The following IRAK1BP1 variants were observed in gnomAD, a reference collection of about 807,000 sequenced individuals.
IRAK1BP1 encodes the protein interleukin-1 receptor-associated kinase 1-binding protein 1.
Under a neutral mutation model 28.0 loss-of-function variants are expected in IRAK1BP1, and 24 were observed. The ratio of observed to expected loss-of-function variants is 0.86; its 90% CI spans 0.62 to 1.20. The LOEUF (loss-of-function observed/expected upper bound fraction) is 1.20, where lower values mean the gene tolerates loss of function less well. Among genes scored for constraint, IRAK1BP1 ranks in the 50% most tolerant of loss-of-function variants. The pLI, the probability that IRAK1BP1 is intolerant of heterozygous loss-of-function variation, is 0.00. For missense variants in IRAK1BP1, 336 were observed against 316.7 expected, an observed-to-expected ratio of 1.06 and a Z score of -0.46; for synonymous variants, 131 against 116.3, an observed-to-expected ratio of 1.13 and a Z score of -0.81.
At chr6:78,938,028 A>AG (rs1773338758) in intron 4 of IRAK1BP1, 2 of 151,776 alleles carry the variant, frequency 1.3e-5, no homozygotes, top group Non-Finnish European at 3.0e-5. Flanking sequence ...GTACATACAT[A>AG]GTGTTACTGC....
At chr6:78,970,672 A>G in the IRAK1BP1 span, 7 of 679,380 alleles carry the variant, frequency 1.0e-5, no homozygotes, top group East Asian at 1.9e-4. Context: ...TAAACAAGGT[A>G]TCTTCATGAT....
At chr6:78,903,660 A>T (rs552373084), downstream of IRAK1BP1, among the ~76,000 whole-genome samples, 6 of 141,810 alleles carry the variant, frequency 4.2e-5, no homozygotes, top group Admixed American at 1.4e-4. Context: ...TCCCTGAATT[A>T]AAAAAAAAAA....
the IRAK1BP1 span, among the ~76,000 whole-genome samples, chr6:78,973,160 T>C: frequency 3.9e-5 from 6 of 152,194 alleles, no homozygotes; most frequent in South Asian, 6.2e-4. Flanking sequence ...GGAAGCCCAT[T>C]AGACTAACAG....
chr6:78,917,230 A>G (rs1772583783), intron 4 of IRAK1BP1, among the ~76,000 whole-genome samples: 1 of 152,116 alleles, frequency 6.6e-6, no homozygotes, highest in African/African-American at 2.4e-5. Flanking sequence ...AAATAAGTCA[A>G]CCAGAGCTTC....
chr6:78,891,473 T>G lies in IRAK1BP1; in HGVS notation c.381+6030T>G, dbSNP rs115631628. On this transcript the variant is annotated intron_variant, in intron 2 of 3. Transcript: ENST00000369940. ...TTAGTGTTTAGAGGAATTTTTTTTT[T>G]TTTTTGAGACGAAGTCTCACTCTTG... Among the ~76,000 whole-genome samples the G allele has an allele frequency of 1.7e-3, 265 of 152,000 alleles. 1 individual carries two copies. Among genetic ancestry groups the G allele is most frequent in the African/African-American group, 6.1e-3 (251 of 41,448 alleles).
the IRAK1BP1 span, among the ~76,000 whole-genome samples, chr6:78,968,858 T>C: frequency 6.6e-6 from 1 of 151,236 alleles, no homozygotes; most frequent in African/African-American, 2.5e-5. Flanking sequence ...AAAGACAAAC[T>C]TGTTAGATAA....
chr6:78,940,558 T>G (rs1773444810), intron 4 of IRAK1BP1: 1 of 179,846 alleles, frequency 5.6e-6, no homozygotes, highest in Non-Finnish European at 1.1e-5. Flanking sequence ...GTTTTTTTTT[T>G]TTTTTTTTTT....
chr6:78,906,714 GT>G (rs985165211), downstream of IRAK1BP1, among the ~76,000 whole-genome samples: 9 of 151,846 alleles, frequency 5.9e-5, no homozygotes, highest in South Asian at 2.1e-4. Context: ...TTGGATTAGG[GT>G]TTTTTTTCCC....
At chr6:78,957,580 A>T in the IRAK1BP1 span, 10 of 135,100 alleles carry the variant, frequency 7.4e-5, no homozygotes, top group East Asian at 2.2e-4. Flanking sequence ...GATGTTTATT[A>T]AAAAAAAAAA....
rs1772064161 is a variant in IRAK1BP1, at chr6:78,900,662, C to G, written c.*2328C>G. 6.6e-6 allele frequency: 1 copy of G among 152,140 alleles called. No homozygotes were observed. Among genetic ancestry groups the G allele is most frequent in the Non-Finnish European group, 1.5e-5 (1 of 68,024 alleles). 9.4% of individuals were successfully genotyped at this position (152,140 alleles called of 1,614,324 possible). A position where few individuals can be genotyped will look rare whatever the true frequency, so the allele number is the denominator to read the frequency against. On this transcript the variant is annotated 3_prime_UTR_variant, in exon 4 of 4. Transcript: ENST00000369940. Reference sequence around the variant, plus strand: ...TATCAAGTATGCTCTCAAATATTTGCTGGGAAAATTTACTAGCTGGATAAA... The same window carrying G: ...TATCAAGTATGCTCTCAAATATTTGGTGGGAAAATTTACTAGCTGGATAAA...
At chr6:78,872,214 A>G (rs1274164824) in intron 1 of IRAK1BP1, 1 of 659,328 alleles carries the variant, frequency 1.5e-6, no homozygotes. Context: ...TTGCTTGACA[A>G]CATATCCTTT....
At chr6:78,933,949 C>T (rs1773160120) in intron 4 of IRAK1BP1, among the ~76,000 whole-genome samples, 1 of 152,190 alleles carries the variant, frequency 6.6e-6, no homozygotes, top group East Asian at 1.9e-4. Flanking sequence ...CTTTCAGCCT[C>T]TCTTGGCTTT....
Position 78,890,657 on chromosome 6 carries a change from G to A in IRAK1BP1, c.381+5214G>A, listed in dbSNP as rs1382277873. ...AAGAAAAATAGTTCACAAACCAAGG[G>A]TCAGAAATCTGAACAGCAATTGGAC... On this transcript the variant is annotated intron_variant, in intron 2 of 3. Transcript: ENST00000369940. Among the ~76,000 whole-genome samples, 7 of 152,126 alleles carry A rather than the reference G, an allele frequency of 4.6e-5. No homozygotes were observed. The South Asian group carries it at 1.2e-3, about 27-fold the overall frequency.
At chr6:78,960,978 A>G in the IRAK1BP1 span, among the ~76,000 whole-genome samples, 3 of 152,134 alleles carry the variant, frequency 2.0e-5, no homozygotes, top group East Asian at 1.9e-4. Context: ...CACAAATTAA[A>G]TTGTTGGACT....
intron 4 of IRAK1BP1, chr6:78,935,533 A>C: frequency 1.0e-6 from 1 of 969,700 alleles, no homozygotes; most frequent in Non-Finnish European, 1.2e-6. Context: ...AAGTATCTGA[A>C]TAGTGAAGTA....
chr6:78,888,356 A>G (rs1322290206), intron 2 of IRAK1BP1, among the ~76,000 whole-genome samples: 1 of 152,204 alleles, frequency 6.6e-6, no homozygotes, highest in Admixed American at 6.5e-5. Context: ...GTTATCATAC[A>G]CATACACAAA....
chr6:78,954,842 C>T, the IRAK1BP1 span: 3 of 1,580,136 alleles, frequency 1.9e-6, no homozygotes, highest in Non-Finnish European at 1.7e-6. Context: ...TACCGGCTGA[C>T]GGAAAGGCTC....
At chr6:78,937,895 TA>T (rs1301732765) in intron 4 of IRAK1BP1, 1 of 151,660 alleles carries the variant, frequency 6.6e-6, no homozygotes, top group Non-Finnish European at 1.5e-5. Flanking sequence ...TACTTAGAAA[TA>T]CCTAAATTGG....
chr6:78,954,968 G>A, the IRAK1BP1 span: 3 of 1,535,872 alleles, frequency 2.0e-6, no homozygotes, highest in Non-Finnish European at 1.7e-6. Flanking sequence ...ATGGTCCTGT[G>A]ATAAAAGTGT....
Sources: gnomAD v4.1 joint callset for allele counts (sites outside exome capture counted in the v4.1 genomes callset) on GRCh38, gnomAD v4.1.1 for gene constraint, MANE v1.5 for transcripts, NCBI Gene and HGNC (gene_info 2026-07-23, HGNC 2026-07-21) for gene names.